Variants in HSF5 observed in about 807,000 individuals in gnomAD.
The protein encoded by HSF5 is heat shock transcription factor 5.
HSF5 carries 5 observed loss-of-function variants against 50.8 expected under a neutral mutation model. That is an observed-to-expected ratio of 0.10 (90% CI 0.05 to 0.21). The LOEUF is 0.21. HSF5 is among the 10% of genes least tolerant of loss of function. The pLI, the probability that HSF5 is intolerant of heterozygous loss-of-function variation, is 1.00. For missense variants in HSF5, 564 were observed against 762.6 expected (o/e 0.74, Z 3.07); for synonymous variants, 307 against 307.4 (o/e 1.00, Z 0.02).
intron 3 of HSF5, among the ~76,000 whole-genome samples, chr17:58,465,177 CTTTTCTTTTTTT>C (rs150728111): frequency 0.051 from 3,794 of 74,950 alleles, 199 homozygotes; most frequent in African/African-American, 0.16. Flanking sequence ...TCCTTTATTT[CTTTTCTTTTTTT>C]TTTTTTTTTT....
At chr17:58,478,280 A>AATAT (rs770822725) in intron 2 of HSF5, among the ~76,000 whole-genome samples, 25 of 132,792 alleles carry the variant, frequency 1.9e-4, no homozygotes, top group African/African-American at 4.5e-4. Context: ...AAAATAAATA[A>AATAT]ATATATATAT....
chr17:58,459,137 T>C (rs1385056680), intron 4 of HSF5, among the ~76,000 whole-genome samples, 192 bp from the exon 5 acceptor site: 1 of 151,998 alleles, frequency 6.6e-6, no homozygotes, highest in Non-Finnish European at 1.5e-5. Context: ...AGCTAAAACA[T>C]TTACTTATGA....
At chr17:58,486,269 G>T (rs1192928004) in intron 1 of HSF5, among the ~76,000 whole-genome samples, 2 of 152,102 alleles carry the variant, frequency 1.3e-5, no homozygotes, top group Non-Finnish European at 2.9e-5. Flanking sequence ...GGAGGCTAAG[G>T]AATGAGAATT....
chr17:58,481,599 C>T (rs577419297), intron 1 of HSF5, among the ~76,000 whole-genome samples: 2 of 152,344 alleles, frequency 1.3e-5, no homozygotes, highest in Admixed American at 6.5e-5. Context: ...TTAAACTACA[C>T]GTTGAAAGTT....
At chr17:58,450,753 CAAA>C (rs35586395) in intron 5 of HSF5, among the ~76,000 whole-genome samples, 3 of 125,232 alleles carry the variant, frequency 2.4e-5, no homozygotes, top group African/African-American at 3.0e-5. Context: ...AACTCCATCT[CAAA>C]AAAAAAAAAA....
At chr17:58,441,631 C>T (rs1974499109) in intron 5 of HSF5, among the ~76,000 whole-genome samples, 1 of 152,050 alleles carries the variant, frequency 6.6e-6, no homozygotes, top group South Asian at 2.1e-4. Flanking sequence ...AAAGCATATC[C>T]CTGAGGACCA....
intron 4 of HSF5, among the ~76,000 whole-genome samples, chr17:58,460,057 G>A (rs1358858345): frequency 1.3e-5 from 2 of 152,054 alleles, no homozygotes; most frequent in Non-Finnish European, 2.9e-5. Context: ...TCATTCTGTT[G>A]CCCAGGCTGG....
Position 58,479,898 on chromosome 17 carries a change from G to A in HSF5, c.920C>T (p.Pro307Leu). 1 of 1,610,448 alleles carries A rather than the reference G, an allele frequency of 6.2e-7. No individual in the cohort carries two copies. The highest frequency in any genetic ancestry group is 8.5e-7 in the Non-Finnish European group (1 of 1,178,428). ...TGAACCTGAATTTGTCATACCTGTT[G>A]GATAGTAGGCTTGCGAGTACTGTGC... ...PSAQYSQAYY[P>L]TAVLQCCSPT... Residue 307 changes from proline to leucine, a missense_variant, in exon 2 of 6, where the codon CCA becomes CTA. Around this residue, in one of 5 missense-constraint regions of HSF5, gnomAD observed 441 missense variants for 533.6 expected, o/e 0.83. Coordinates refer to ENST00000323777, the MANE Select transcript of HSF5 (RefSeq NM_001080439.3).
intron 2 of HSF5, chr17:58,476,275 A>ATCT: frequency 1.0e-6 from 1 of 967,426 alleles, no homozygotes; most frequent in Non-Finnish European, 1.6e-6. Flanking sequence ...TTCATCATCC[A>ATCT]TATCAGGAAC....
intron 3 of HSF5, among the ~76,000 whole-genome samples, chr17:58,466,230 C>T (rs1025675046): frequency 1.3e-5 from 2 of 152,170 alleles, no homozygotes; most frequent in African/African-American, 4.8e-5. Context: ...GTGTTTACAA[C>T]ATAGGGGCTA....
intron 2 of HSF5, among the ~76,000 whole-genome samples, chr17:58,473,483 G>A (rs1466672763): frequency 6.6e-6 from 1 of 152,008 alleles, no homozygotes; most frequent in Admixed American, 6.6e-5. Context: ...TTAAAATGAA[G>A]TTTTTCATAA....
In HSF5 at chr17:58,471,905, G is replaced by A. The variant is rs1187820407; in HGVS notation, c.926-4926C>T. Among the ~76,000 whole-genome samples, 20 of 152,144 alleles carry A rather than the reference G, an allele frequency of 1.3e-4. 1 individual carries two copies. The highest frequency in any genetic ancestry group is 2.2e-4 in the Non-Finnish European group (15 of 68,036). On this transcript the variant is annotated intron_variant, in intron 2 of 5. Coordinates refer to ENST00000323777, the MANE Select transcript of HSF5 (RefSeq NM_001080439.3). ...GTCTTGATCTGTTGCCGAGGCGGGA[G>A]TGCAGTGGCGCGATCTCAGCTCACT...
chr17:58,486,112 C>G (rs545449652), intron 1 of HSF5, among the ~76,000 whole-genome samples: 1 of 151,788 alleles, frequency 6.6e-6, no homozygotes, highest in Non-Finnish European at 1.5e-5. Context: ...GCCTGTAATC[C>G]CAGCACTTTG....
chr17:58,458,299 G>A (rs1974741027), intron 5 of HSF5, among the ~76,000 whole-genome samples: 1 of 152,068 alleles, frequency 6.6e-6, no homozygotes, highest in Non-Finnish European at 1.5e-5. Flanking sequence ...TTGGTATAGG[G>A]TCATACTTTA....
intron 1 of HSF5, among the ~76,000 whole-genome samples, chr17:58,483,096 AT>A (rs1975122827): frequency 9.5e-6 from 1 of 105,246 alleles, no homozygotes; most frequent in Admixed American, 1.0e-4. Flanking sequence ...CCATTCCCTG[AT>A]TTCTCCTGGG....
At chr17:58,476,289 G>A (rs1486840494) in intron 2 of HSF5, 2 of 992,122 alleles carry the variant, frequency 2.0e-6, no homozygotes, top group Non-Finnish European at 3.2e-6. Context: ...CAGGAACCAA[G>A]TGGTACTGTA....
At chr17:58,424,535 C>A (rs1357073958) in intron 5 of HSF5, among the ~76,000 whole-genome samples, 3 of 151,640 alleles carry the variant, frequency 2.0e-5, no homozygotes, top group Non-Finnish European at 2.9e-5. Context: ...TTGTTTGAAC[C>A]CGGGAGATGG....
At chr17:58,427,689 G>C (rs1459922785) in intron 5 of HSF5, among the ~76,000 whole-genome samples, 5 of 152,110 alleles carry the variant, frequency 3.3e-5, no homozygotes, top group Non-Finnish European at 7.4e-5. Context: ...TATCTACCAA[G>C]ATAAAAAACA....
At chr17:58,445,614 A>G (rs1190295677) in intron 5 of HSF5, among the ~76,000 whole-genome samples, 1 of 152,234 alleles carries the variant, frequency 6.6e-6, no homozygotes, top group African/African-American at 2.4e-5. Context: ...TTGAGAACAT[A>G]ATATAGTCAC....
Sources: gnomAD v4.1 joint callset for allele counts (sites outside exome capture counted in the v4.1 genomes callset) on GRCh38, gnomAD v4.1.1 for gene constraint, gnomAD v4.1.1 regional missense constraint, MANE v1.5 for transcripts, NCBI Gene and HGNC (gene_info 2026-07-23, HGNC 2026-07-21) for gene names.